Variants in ATAD1 observed in about 807,000 individuals in gnomAD.
ATAD1 encodes the protein outer mitochondrial transmembrane helix translocase.
Under a neutral mutation model 42.7 loss-of-function variants are expected in ATAD1, and 18 were observed. That is an observed-to-expected ratio of 0.42 (90% CI 0.29 to 0.63). The LOEUF is 0.63. Among genes scored for constraint, ATAD1 ranks in the 20% least tolerant of loss-of-function variants. ATAD1 has a pLI of 0.19. For missense variants in ATAD1, 294 were observed against 440.4 expected, an observed-to-expected ratio of 0.67 and a Z score of 2.98; for synonymous variants, 132 against 143.1, an observed-to-expected ratio of 0.92 and a Z score of 0.55.
At chr10:87,780,653 CCA>C (rs2131862117) in intron 5 of ATAD1, among the ~76,000 whole-genome samples, 1 of 152,014 alleles carries the variant, frequency 6.6e-6, no homozygotes, top group East Asian at 1.9e-4. Flanking sequence ...AAAAAAAATC[CCA>C]GAGTTCAGAA....
chr10:87,817,284 C>T (rs770221131), intron 1 of ATAD1, among the ~76,000 whole-genome samples: 1 of 152,168 alleles, frequency 6.6e-6, no homozygotes, highest in Non-Finnish European at 1.5e-5. Context: ...AAGCTGCATG[C>T]GCATACAACA....
intron 2 of ATAD1, among the ~76,000 whole-genome samples, chr10:87,803,339 G>A (rs1856788010): frequency 6.6e-6 from 1 of 152,176 alleles, no homozygotes; most frequent in African/African-American, 2.4e-5. Context: ...TTTAAAAAGG[G>A]AGGAAATATG....
chr10:87,831,614 G>C (rs1270974446), intron 1 of ATAD1, among the ~76,000 whole-genome samples: 1 of 152,146 alleles, frequency 6.6e-6, no homozygotes. Context: ...TGCTGTACCA[G>C]TCACAATTTT....
At chr10:87,818,231 T>C (rs1342906304), upstream of ATAD1, 3 of 985,360 alleles carry the variant, frequency 3.0e-6, no homozygotes, top group African/African-American at 5.2e-5. Context: ...AAACGCAACC[T>C]GGGAGAGAAC....
chr10:87,778,834 C>T (rs751889148), intron 5 of ATAD1, among the ~76,000 whole-genome samples: 3 of 151,966 alleles, frequency 2.0e-5, no homozygotes, highest in Non-Finnish European at 4.4e-5. Context: ...GGCAAAAAAA[C>T]GGACCAACAC....
At chr10:87,758,486 T>C (rs1854329523) in intron 8 of ATAD1, among the ~76,000 whole-genome samples, 1 of 152,064 alleles carries the variant, frequency 6.6e-6, no homozygotes, top group Non-Finnish European at 1.5e-5. Context: ...GTAATTACCA[T>C]AAATGCAAAT....
In ATAD1 at chr10:87,756,680, C is replaced by T; in HGVS notation, c.965+109G>A. 4 of 1,098,756 alleles carry T rather than the reference C, an allele frequency of 3.6e-6. No homozygotes were observed. In the South Asian group the frequency reaches 7.7e-5, roughly 21 times the overall value. 68.1% of individuals were successfully genotyped at this position (1,098,756 alleles called of 1,614,324 possible). A position where few individuals can be genotyped will look rare whatever the true frequency, so the allele number is the denominator to read the frequency against. On this transcript the variant is annotated intron_variant, in intron 9 of 9. Coordinates refer to ENST00000680024, the MANE Select transcript of ATAD1 (RefSeq NM_001321967.2). ...TGCAGGGGGTGATAATCCAAATTTA[C>T]CTTTTATTTCATAAGCGGTGTTTCT... is the stretch of plus-strand genomic sequence containing the variant.
intron 5 of ATAD1, among the ~76,000 whole-genome samples, chr10:87,777,204 T>C (rs552250691): frequency 6.6e-6 from 1 of 152,330 alleles, no homozygotes; most frequent in East Asian, 1.9e-4. Flanking sequence ...TGCCTCTAAC[T>C]TTCTAGGTCA....
chr10:87,797,329 A>G (rs916033608), intron 2 of ATAD1, among the ~76,000 whole-genome samples: 7 of 152,008 alleles, frequency 4.6e-5, no homozygotes, highest in Non-Finnish European at 1.0e-4. Context: ...GGAAAGAAAA[A>G]AAAACAAAAA....
At chr10:87,793,416 T>A (rs1021595173) in intron 2 of ATAD1, among the ~76,000 whole-genome samples, 34 of 152,306 alleles carry the variant, frequency 2.2e-4, no homozygotes, top group African/African-American at 7.7e-4. Context: ...AAACATTTAC[T>A]GAGTGTGCCA....
chr10:87,802,050 A>C (rs535395965), intron 2 of ATAD1, among the ~76,000 whole-genome samples: 2 of 152,336 alleles, frequency 1.3e-5, no homozygotes, highest in Non-Finnish European at 2.9e-5. Flanking sequence ...TTTGGAGCAT[A>C]TTTGTTTCTC....
At chr10:87,821,678 A>G (rs1398484497), upstream of ATAD1, among the ~76,000 whole-genome samples, 1 of 152,212 alleles carries the variant, frequency 6.6e-6, no homozygotes, top group East Asian at 1.9e-4. Context: ...TTTTACAGTA[A>G]GCATCTGGGC....
chr10:87,814,297 AT>A (rs1394856760), intron 2 of ATAD1, 140 bp downstream of exon 2: 1 of 653,186 alleles, frequency 1.5e-6, no homozygotes, highest in African/African-American at 1.9e-5. Flanking sequence ...TGTAAGAGTA[AT>A]AAAACTATGA....
At chr10:87,820,005 A>G (rs1002124603), upstream of ATAD1, among the ~76,000 whole-genome samples, 1 of 152,218 alleles carries the variant, frequency 6.6e-6, no homozygotes, top group African/African-American at 2.4e-5. Context: ...ATGGATGTGA[A>G]GCTAGGTTTG....
chr10:87,767,178 T>C (rs981217894), intron 8 of ATAD1, among the ~76,000 whole-genome samples: 2 of 152,122 alleles, frequency 1.3e-5, no homozygotes, highest in African/African-American at 4.8e-5. Flanking sequence ...GAAAAGTATC[T>C]TTAACTCACA....
At chr10:87,798,134 G>C (rs1444834217) in intron 2 of ATAD1, among the ~76,000 whole-genome samples, 1 of 152,162 alleles carries the variant, frequency 6.6e-6, no homozygotes, top group African/African-American at 2.4e-5. Flanking sequence ...CCCTCTCAGA[G>C]GTCATGGACC....
At chr10:87,788,070 C>G (rs1450833228) in intron 4 of ATAD1, among the ~76,000 whole-genome samples, 1 of 152,120 alleles carries the variant, frequency 6.6e-6, no homozygotes, top group Non-Finnish European at 1.5e-5. Flanking sequence ...TTAAATATAA[C>G]CGTCAATATC....
intron 2 of ATAD1, among the ~76,000 whole-genome samples, chr10:87,795,652 T>C (rs761243872): frequency 6.6e-6 from 1 of 152,172 alleles, no homozygotes; most frequent in Non-Finnish European, 1.5e-5. Flanking sequence ...CCTTTCATGC[T>C]ATTTCACTTT....
intron 4 of ATAD1, among the ~76,000 whole-genome samples, chr10:87,787,365 A>G (rs1283358970): frequency 6.6e-6 from 1 of 152,202 alleles, no homozygotes; most frequent in Non-Finnish European, 1.5e-5. Context: ...CACACCTGTA[A>G]TCTCAACACT....
Sources: allele counts gnomAD v4.1 joint callset (sites outside exome capture counted in the v4.1 genomes callset), GRCh38; gene constraint gnomAD v4.1.1; transcripts MANE v1.5; gene names NCBI Gene and HGNC (gene_info 2026-07-23, HGNC 2026-07-21).